PML: variants seen among roughly 807,000 people sequenced by gnomAD.
PML encodes protein PML.
Under a neutral mutation model 65.2 loss-of-function variants are expected in PML, and 28 were observed. That is an observed-to-expected ratio of 0.43 (90% CI 0.32 to 0.59). The LOEUF (loss-of-function observed/expected upper bound fraction) is 0.59, where lower values mean the gene tolerates loss of function less well. Among genes scored for constraint, PML ranks in the 20% least tolerant of loss-of-function variants. PML has a pLI of 0.08. For missense variants in PML, 1,021 were observed against 1,203.4 expected (o/e 0.85, Z 2.24); for synonymous variants, 500 against 508.8 (o/e 0.98, Z 0.23).
Position 73,997,993 on chromosome 15 carries a change from T to C in PML, c.130-11T>C. The C allele has an allele frequency of 6.2e-7, 1 of 1,611,034 alleles. No homozygotes were observed. The highest frequency in any genetic ancestry group is 8.5e-7 in the Non-Finnish European group (1 of 1,179,012). On this transcript the variant is annotated splice_polypyrimidine_tract_variant and intron_variant, in intron 1 of 8. Transcript: ENST00000268058. ...CTTCTCCAGGCCTCACCTGCCTCTC[T>C]GGTCCCCCAGCGAGCCCCCGCTTCG...
chr15:74,008,414 G>T (rs998761116), intron 2 of PML, among the ~76,000 whole-genome samples: 4 of 152,212 alleles, frequency 2.6e-5, no homozygotes, highest in African/African-American at 4.8e-5. Context: ...AAGACAATGG[G>T]AATGGGACCC....
intron 2 of PML, among the ~76,000 whole-genome samples, chr15:74,016,830 T>C: frequency 9.5e-6 from 1 of 105,252 alleles, no homozygotes; most frequent in Non-Finnish European, 1.9e-5. Flanking sequence ...GGAGTCTCGC[T>C]CTGTCGCCCA....
In PML at chr15:74,042,033, C is replaced by T. The variant is rs2071708590; in HGVS notation, c.1711-956C>T. 6.6e-6 allele frequency among the ~76,000 whole-genome samples: 1 copy of T among 152,216 alleles called. No individual in the cohort carries two copies. The highest frequency in any genetic ancestry group is 2.1e-4 in the South Asian group (1 of 4,830). Reference sequence around the variant, plus strand: ...AAGTTGGTCATCAAAGACTAAACATCTGGGCTTGGCAGCTGAGCAGATGAT... The same window carrying T: ...AAGTTGGTCATCAAAGACTAAACATTTGGGCTTGGCAGCTGAGCAGATGAT... On this transcript the variant is annotated intron_variant, in intron 7 of 8. Transcript: ENST00000268058. The surrounding 1 kb of genome is among the most constrained non-coding windows in gnomAD (Gnocchi z 5.3).
intron 2 of PML, among the ~76,000 whole-genome samples, chr15:74,017,389 G>A (rs2070642659): frequency 6.6e-6 from 1 of 152,086 alleles, no homozygotes. Flanking sequence ...GCTCACGCCT[G>A]TGATCCCAGC....
At position 74,046,761 on chromosome 15, in the gene PML, G is replaced by A. The variant is rs1187437931; in HGVS notation, c.*1753G>A. 1 of 231,364 alleles carries A rather than the reference G, an allele frequency of 4.3e-6. No individual in the cohort carries two copies. The highest frequency in any genetic ancestry group is 5.6e-5 in the Admixed American group (1 of 17,714). The allele number at this position is 231,364 out of a possible 1,614,324, so 14.3% of individuals were successfully genotyped here. On this transcript the variant is annotated 3_prime_UTR_variant, in exon 9 of 9. Coordinates refer to ENST00000268058, the MANE Select transcript of PML (RefSeq NM_033238.3). ...CTGTCACAGCCTTTAATAAAGATGT[G>A]AATCTTGAAAGCCTGATGCTCCAAT...
chr15:74,035,593 A>T lies in PML; in HGVS notation c.1710+1063A>T. The T allele has an allele frequency of 6.2e-7, 1 of 1,612,638 alleles. No individual in the cohort carries two copies. Among genetic ancestry groups the T allele is most frequent in the East Asian group, 2.2e-5 (1 of 44,858 alleles). Reference sequence around the variant, plus strand: ...AACCATCCTGCCAATGCCCAGGAACATCCTGCCCAGCTGCAAAGGGGCATC... The same window carrying T: ...AACCATCCTGCCAATGCCCAGGAACTTCCTGCCCAGCTGCAAAGGGGCATC... On this transcript the variant is annotated intron_variant, in intron 7 of 8. Coordinates refer to ENST00000268058, the MANE Select transcript of PML (RefSeq NM_033238.3). This position sits in a 1 kb window ranked among gnomAD's most constrained non-coding sequence, Gnocchi z 4.1.
rs999138659 is a variant in PML at position 74,037,411 on chromosome 15, C to T, written c.1710+2881C>T. 3.0e-6 allele frequency: 3 copies of T among 984,796 alleles called. No homozygotes were observed. The highest frequency in any genetic ancestry group is 6.2e-5 in the Admixed American group (1 of 16,252). The allele number at this position is 984,796 out of a possible 1,614,324, so 61.0% of individuals were successfully genotyped here. ...AGCCCTTGACCCCCTGGGAGCCTCACTCCTCCTCCTCATCTCTCTTGCATC... is the reference window on the plus strand; with the variant it reads ...AGCCCTTGACCCCCTGGGAGCCTCATTCCTCCTCCTCATCTCTCTTGCATC... On this transcript the variant is annotated intron_variant, in intron 7 of 8. Transcript: ENST00000268058. The surrounding 1 kb of genome is among the most constrained non-coding windows in gnomAD (Gnocchi z 4.2).
At position 74,035,747 on chromosome 15, in the gene PML, C is replaced by T; in HGVS notation, c.1710+1217C>T. On this transcript the variant is annotated intron_variant, in intron 7 of 8. Coordinates refer to ENST00000268058, the MANE Select transcript of PML (RefSeq NM_033238.3). The surrounding 1 kb of genome is among the most constrained non-coding windows in gnomAD (Gnocchi z 4.1). ...TCTCCTCCATGGCTTCCCAGCTTGA[C>T]ATGTCTTCCGTGGTGGGGGCAGGGG... 6.2e-7 allele frequency: 1 copy of T among 1,614,174 alleles called. No individual in the cohort carries two copies. Among genetic ancestry groups the T allele is most frequent in the Non-Finnish European group, 8.5e-7 (1 of 1,180,014 alleles).
At chr15:74,022,001 A>G (rs765462392) in intron 2 of PML, among the ~76,000 whole-genome samples, 10 of 152,216 alleles carry the variant, frequency 6.6e-5, no homozygotes, top group Non-Finnish European at 1.0e-4. Context: ...CTTGTTGCCC[A>G]GGCTGGAGTG....
chr15:74,021,482 G>A (rs1425767890), intron 2 of PML, among the ~76,000 whole-genome samples: 3 of 152,144 alleles, frequency 2.0e-5, no homozygotes, highest in African/African-American at 7.2e-5. Context: ...CTACTCGGGA[G>A]GCTGAGGCAG....
intron 4 of PML, among the ~76,000 whole-genome samples, chr15:74,030,172 A>G (rs537824078): frequency 1.3e-5 from 2 of 152,332 alleles, no homozygotes; most frequent in South Asian, 2.1e-4. Flanking sequence ...AGGCCCACAC[A>G]GGAGGGACAG....
At chr15:73,998,545 C>A in intron 2 of PML, 69 bp downstream of exon 2, 1 of 1,350,434 alleles carries the variant, frequency 7.4e-7, no homozygotes, top group Non-Finnish European at 1.0e-6. Context: ...GAGCAAAGAT[C>A]CAAAGAGTCA....
intron 4 of PML, chr15:74,026,246 C>G (rs1334890870): frequency 6.6e-6 from 1 of 152,408 alleles, no homozygotes; most frequent in Non-Finnish European, 1.5e-5. Context: ...TCTCGGCTCA[C>G]TGCACCCTCC....
chr15:73,998,498 G>C (rs1354990831), intron 2 of PML, 22 bp downstream of exon 2: 3 of 1,595,886 alleles, frequency 1.9e-6, no homozygotes, highest in Non-Finnish European at 2.6e-6. Context: ...GGCACAGGGT[G>C]GGGTGGTGCA....
chr15:74,025,765 C>A (rs530324370), intron 4 of PML: 1 of 152,520 alleles, frequency 6.6e-6, no homozygotes, highest in South Asian at 2.1e-4. Context: ...AGTATGGCTC[C>A]TTTCCACCAG....
At position 73,998,494 on chromosome 15, in the gene PML, G is replaced by C. The variant is rs879233597; in HGVS notation, c.602+18G>C. On this transcript the variant is annotated intron_variant, in intron 2 of 8. Coordinates refer to ENST00000268058, the MANE Select transcript of PML (RefSeq NM_033238.3). Reference sequence around the variant, plus strand: ...CTGACCAGGTGAGTAGGCCGGCACAGGGTGGGGTGGTGCATCCAAGTACCA... The same window carrying C: ...CTGACCAGGTGAGTAGGCCGGCACACGGTGGGGTGGTGCATCCAAGTACCA... 29 of 1,602,540 alleles carry C rather than the reference G, an allele frequency of 1.8e-5. No individual in the cohort carries two copies. The highest frequency in any genetic ancestry group is 2.4e-5 in the Non-Finnish European group (28 of 1,170,722).
At position 74,044,641 on chromosome 15, in the gene PML, C is replaced by T. The variant is rs748074472; in HGVS notation, c.2282C>T (p.Pro761Leu). The stretch of plus-strand genomic sequence containing the variant: ...CTGTGCCGCCTCCTCGAGGTCTCCC[C>T]GGGCCCCCAGCTGGCCCAGCATGTC... ...RDLCRLLEVS[P>L]GPQLAQHVYP... The change falls in exon 9 of 9, where the codon CCG becomes CTG. Residue 761 changes from proline (P) to leucine (L), a missense_variant. Coordinates refer to ENST00000268058, the MANE Select transcript of PML (RefSeq NM_033238.3). 30 of 1,605,528 alleles carry T rather than the reference C, an allele frequency of 1.9e-5. No individual in the cohort carries two copies. Among genetic ancestry groups the T allele is most frequent in the Middle Eastern group, 1.6e-4 (1 of 6,084 alleles).
chr15:74,012,512 G>T (rs1202392949), intron 2 of PML, among the ~76,000 whole-genome samples: 1 of 151,916 alleles, frequency 6.6e-6, no homozygotes, highest in Admixed American at 6.6e-5. Context: ...GTTTCGCCAT[G>T]TTGGCCAGGC....
chr15:74,007,857 C>T (rs1424436036), intron 2 of PML, among the ~76,000 whole-genome samples: 1 of 152,206 alleles, frequency 6.6e-6, no homozygotes, highest in African/African-American at 2.4e-5. Flanking sequence ...ACAGATCAGC[C>T]ATTAACAATT....
Sources: gnomAD v4.1 joint callset for allele counts (sites outside exome capture counted in the v4.1 genomes callset) on GRCh38, gnomAD v4.1.1 for gene constraint, Gnocchi (gnomAD v3.1) non-coding constraint, MANE v1.5 for transcripts, NCBI Gene and HGNC (gene_info 2026-07-23, HGNC 2026-07-21) for gene names.